BEGAIN: variants seen among roughly 807,000 people sequenced by gnomAD.
The protein encoded by BEGAIN is brain enriched guanylate kinase associated.
BEGAIN carries 19 observed loss-of-function variants against 35.8 expected under a neutral mutation model. The observed-to-expected ratio is 0.53, with a 90% CI of 0.37 to 0.78. The LOEUF is 0.78. BEGAIN is among the 30% of genes least tolerant of loss of function. BEGAIN has a pLI of 0.00. For missense variants in BEGAIN, 795 were observed against 853.6 expected (o/e 0.93, Z 0.85); for synonymous variants, 462 against 388.6 (o/e 1.19, Z -2.22).
rs1204526344 is a variant in BEGAIN at position 100,546,641 on chromosome 14, G to T, written c.93C>A (p.Gly31=). The T allele has an allele frequency of 6.4e-7, 1 of 1,573,632 alleles. No homozygotes were observed. The part of the protein sequence containing the change: ...EKLSALQEQK[G]ELRKRLSYTT... ...TGTAGGACAGCCGCTTGCGCAGCTC[G>T]CCCTTCTGCTCCTGCAGCGCGCTGC... The change falls in exon 3 of 7, where the codon GGC becomes GGA. Residue 31 remains glycine (G), a synonymous_variant. Transcript: ENST00000554140.
chr14:100,567,774 TG>T lies in BEGAIN; in HGVS notation c.71+136del. 1 of 824,746 alleles carries T rather than the reference TG, an allele frequency of 1.2e-6. No individual in the cohort carries two copies. Among genetic ancestry groups the T allele is most frequent in the Non-Finnish European group, 1.6e-6 (1 of 606,092 alleles). The allele number at this position is 824,746 out of a possible 1,614,324, so 51.1% of individuals were successfully genotyped here. On this transcript the variant is annotated intron_variant, in intron 2 of 6. Transcript: ENST00000554140. This position sits in a 1 kb window ranked among gnomAD's most constrained non-coding sequence, Gnocchi z 5.1. ...CACACACGCACCACACACACGCACC[TG>T]GCCCGCAGCCCCGCCGAGGCCGCCC... is the stretch of plus-strand genomic sequence containing the variant.
At chr14:100,540,233 C>A (rs2031387733) in intron 6 of BEGAIN, 2 of 529,272 alleles carry the variant, frequency 3.8e-6, no homozygotes, top group South Asian at 2.5e-5. Context: ...AGCAGCCCCC[C>A]AAAGGAAACC....
intron 1 of BEGAIN, chr14:100,577,697 G>A (rs2035231373): frequency 2.5e-6 from 1 of 399,126 alleles, no homozygotes; most frequent in Non-Finnish European, 4.4e-6. Flanking sequence ...CCTGTGTTCA[G>A]GGACTCTGGG....
Position 100,546,873 on chromosome 14 carries a change from T to G in BEGAIN, c.72-211A>C, listed in dbSNP as rs2032592182. On this transcript the variant is annotated intron_variant, in intron 2 of 6. Transcript: ENST00000554140. Reference sequence around the variant, plus strand: ...ACCATGGCGCCCCAGAGTCAGGGACTCTGACCCTGAGCCAGTCTGGCCTGG... The same window carrying G: ...ACCATGGCGCCCCAGAGTCAGGGACGCTGACCCTGAGCCAGTCTGGCCTGG... 1.5e-5 allele frequency: 7 copies of G among 452,380 alleles called. No individual in the cohort carries two copies. In the South Asian group the frequency reaches 2.5e-4, roughly 16 times the overall value. The allele number at this position is 452,380 out of a possible 1,614,324, so 28.0% of individuals were successfully genotyped here.
Position 100,538,252 on chromosome 14 carries a change from C to G in BEGAIN, c.1556G>C (p.Ser519Thr). The G allele has an allele frequency of 6.4e-7, 1 of 1,567,142 alleles. No homozygotes were observed. The highest frequency in any genetic ancestry group is 8.6e-7 in the Non-Finnish European group (1 of 1,164,618). Residue 519 changes from serine (S) to threonine (T), a missense_variant, in exon 7 of 7, where the codon AGC becomes ACC. By Grantham distance (58) the Ser-to-Thr change is moderately conservative. This residue lies in a region of BEGAIN where 664 missense variants were observed against 647.7 expected (regional missense o/e 1.03). Transcript: ENST00000554140. Reference protein sequence around the residue: ...PCFLRAGGDLSLSPGRSADPL... With the variant: ...PCFLRAGGDLTLSPGRSADPL... The stretch of plus-strand genomic sequence containing the variant: ...GTCAGCCGAGCGGCCGGGACTGAGG[C>G]TCAGGTCGCCGCCCGCCCGCAGGAA...
At chr14:100,579,298 C>T (rs750893348) in intron 1 of BEGAIN, among the ~76,000 whole-genome samples, 4 of 152,222 alleles carry the variant, frequency 2.6e-5, no homozygotes, top group Admixed American at 6.5e-5. Flanking sequence ...CAGTTGTTAA[C>T]GCTATGAGCA....
chr14:100,580,279 G>A (rs1267090674), intron 1 of BEGAIN, among the ~76,000 whole-genome samples: 1 of 152,036 alleles, frequency 6.6e-6, no homozygotes, highest in Non-Finnish European at 1.5e-5. Flanking sequence ...CTCCAGCCTG[G>A]GTGACAGGGC....
In BEGAIN at chr14:100,537,784, G is replaced by A; in HGVS notation, c.*185C>T. 2 of 897,384 alleles carry A rather than the reference G, an allele frequency of 2.2e-6. No homozygotes were observed. Among genetic ancestry groups the A allele is most frequent in the Admixed American group, 3.5e-5 (1 of 28,184 alleles). The allele number at this position is 897,384 out of a possible 1,614,324, so 55.6% of individuals were successfully genotyped here. A position where few individuals can be genotyped will look rare whatever the true frequency, so the allele number is the denominator to read the frequency against. On this transcript the variant is annotated 3_prime_UTR_variant, in exon 7 of 7. Coordinates refer to ENST00000554140, the MANE Select transcript of BEGAIN (RefSeq NM_001385089.1). The stretch of plus-strand genomic sequence containing the variant: ...CACGGGCCGGGGCCGGGTGGACACC[G>A]TGGTGTGGGGGACCCTCCCCTCAGG...
Position 100,563,412 on chromosome 14 carries a change from A to G in BEGAIN, c.71+4499T>C, listed in dbSNP as rs7152089. 0.53 allele frequency among the ~76,000 whole-genome samples: 80,507 copies of G among 152,144 alleles called. 22,667 individuals carry two copies. The highest frequency in any genetic ancestry group is 0.72 in the African/African-American group (29,926 of 41,512). On this transcript the variant is annotated intron_variant, in intron 2 of 6. Coordinates refer to ENST00000554140, the MANE Select transcript of BEGAIN (RefSeq NM_001385089.1). The surrounding 1 kb of genome is among the most constrained non-coding windows in gnomAD (Gnocchi z 4.2). ...TGACACATTCAACAAAATTAAAATT[A>G]AGAACTTTTGTTCATAGAAGGACCG...
At chr14:100,571,607 C>T (rs142228820) in intron 1 of BEGAIN, among the ~76,000 whole-genome samples, 50 of 152,308 alleles carry the variant, frequency 3.3e-4, no homozygotes, top group African/African-American at 1.1e-3. Context: ...CTGTGGCACC[C>T]GGGCACAGAG....
chr14:100,586,058 A>C lies in BEGAIN; in HGVS notation c.42+1191T>G, dbSNP rs2035438069. 6.6e-6 allele frequency among the ~76,000 whole-genome samples: 1 copy of C among 152,256 alleles called. No individual in the cohort carries two copies. ...GCCCTGCGTGTCACAGATGCCAGGC[A>C]GAGCCACCCCCAACGGCCAGTTGCC... On this transcript the variant is annotated intron_variant, in intron 1 of 6. Coordinates refer to ENST00000554140, the MANE Select transcript of BEGAIN (RefSeq NM_001385089.1). The surrounding 1 kb of genome is among the most constrained non-coding windows in gnomAD (Gnocchi z 4.9).
intron 2 of BEGAIN, among the ~76,000 whole-genome samples, chr14:100,551,978 A>C (rs1479333492): frequency 1.3e-5 from 2 of 152,168 alleles, no homozygotes; most frequent in Non-Finnish European, 2.9e-5. Flanking sequence ...GAGCGAACAG[A>C]AAACAGGATG....
intron 2 of BEGAIN, chr14:100,548,339 A>G (rs2032803124): frequency 6.6e-6 from 1 of 151,354 alleles, no homozygotes; most frequent in African/African-American, 2.4e-5. Context: ...CTTCCTGGGG[A>G]CTCCTATGCC....
intron 2 of BEGAIN, among the ~76,000 whole-genome samples, chr14:100,556,009 C>G (rs2033686217): frequency 6.6e-6 from 1 of 152,038 alleles, no homozygotes; most frequent in Non-Finnish European, 1.5e-5. Flanking sequence ...GTGTGTAGGC[C>G]TATGTGTATG....
intron 2 of BEGAIN, among the ~76,000 whole-genome samples, chr14:100,557,320 A>C (rs922895115): frequency 5.3e-5 from 8 of 152,226 alleles, no homozygotes; most frequent in African/African-American, 1.7e-4. Flanking sequence ...CTCTGAGCCT[A>C]GTGGGCAGAC....
Position 100,568,005 on chromosome 14 carries a change from A to C in BEGAIN, c.43-66T>G. 7.5e-7 allele frequency: 1 copy of C among 1,337,708 alleles called. No individual in the cohort carries two copies. Among genetic ancestry groups the C allele is most frequent in the Non-Finnish European group, 9.7e-7 (1 of 1,026,500 alleles). 82.9% of individuals were successfully genotyped at this position (1,337,708 alleles called of 1,614,324 possible). ...TGCGCTCCGCGGCCGCGCCGGGCAG[A>C]GCCGGGCACAGCGGGCACGGCCGGG... On this transcript the variant is annotated intron_variant, in intron 1 of 6. Coordinates refer to ENST00000554140, the MANE Select transcript of BEGAIN (RefSeq NM_001385089.1). The surrounding 1 kb of genome is among the most constrained non-coding windows in gnomAD (Gnocchi z 7.5).
Position 100,539,098 on chromosome 14 carries a change from G to T in BEGAIN, c.710C>A (p.Pro237Gln), listed in dbSNP as rs146033303. Residue 237 changes from proline to glutamine, a missense_variant, in exon 7 of 7, where the codon CCG becomes CAG. Pro to Gln is a moderately conservative substitution (Grantham distance 76). Transcript: ENST00000554140. ...AFCDGVEKPG[P>Q]RPPYKGDIYC... ...GATGTCTCCCTTGTAGGGGGGCCGC[G>T]GGCCTGGTTTCTCCACCCCGTCGCA... The T allele has an allele frequency of 0.011, 17,196 of 1,610,454 alleles. 119 individuals are homozygous for T. Among genetic ancestry groups the T allele is most frequent in the Non-Finnish European group, 0.012 (13,949 of 1,178,076 alleles).
chr14:100,557,586 G>A (rs1257336096), intron 2 of BEGAIN, among the ~76,000 whole-genome samples: 2 of 152,154 alleles, frequency 1.3e-5, no homozygotes, highest in African/African-American at 2.4e-5. Flanking sequence ...AGCCAGTGAC[G>A]GCATTATGGC....
intron 2 of BEGAIN, chr14:100,547,857 G>A (rs921263099): frequency 1.3e-5 from 2 of 152,130 alleles, no homozygotes; most frequent in African/African-American, 2.4e-5. Flanking sequence ...GGGAGTAGAG[G>A]GCAGGCAGGA....
Sources: allele counts gnomAD v4.1 joint callset (sites outside exome capture counted in the v4.1 genomes callset), GRCh38; gene constraint gnomAD v4.1.1; regional missense constraint gnomAD v4.1.1; non-coding constraint Gnocchi (gnomAD v3.1); transcripts MANE v1.5; gene names NCBI Gene and HGNC (gene_info 2026-07-23, HGNC 2026-07-21).